The following WDR70 variants were observed in gnomAD, a reference collection of about 807,000 sequenced individuals.
The protein encoded by WDR70 is WD repeat-containing protein 70.
A neutral mutation model predicts 88.6 loss-of-function variants in WDR70; 53 were observed. The ratio of observed to expected loss-of-function variants is 0.60; its 90% CI spans 0.48 to 0.75. The LOEUF is 0.75. Among genes scored for constraint, WDR70 ranks in the 30% least tolerant of loss-of-function variants. The probability of loss-of-function intolerance (pLI) is 0.00; values close to 1 mark genes in which losing one functional copy is unlikely to be tolerated. For missense variants in WDR70, 610 were observed against 823.2 expected, an observed-to-expected ratio of 0.74 and a Z score of 3.17; for synonymous variants, 280 against 270.0, an observed-to-expected ratio of 1.04 and a Z score of -0.36.
chr5:37,601,515 CA>C (rs1259845055), intron 9 of WDR70, among the ~76,000 whole-genome samples: 1 of 152,158 alleles, frequency 6.6e-6, no homozygotes, highest in East Asian at 1.9e-4. Context: ...GGCTTGGTAT[CA>C]GGGCAATGCT....
chr5:37,449,613 AAAAATAAAT>A lies in WDR70; in HGVS notation c.686+6245_686+6253del, dbSNP rs1738606836. On this transcript the variant is annotated intron_variant, in intron 7 of 17. Transcript: ENST00000265107. ...CTCAAAAAAAAAAAAATAAAAAATA[AAAAATAAAT>A]AAATAAATAAATAAAATCAAATGCT... 3.5e-3 allele frequency among the ~76,000 whole-genome samples: 320 copies of A among 90,416 alleles called. 1 individual carries two copies. The highest frequency in any genetic ancestry group is 5.6e-3 in the Non-Finnish European group (221 of 39,732). The allele number at this position is 90,416 out of a possible 152,430, so 59.3% of individuals were successfully genotyped here.
chr5:37,474,188 C>A (rs1739410045), intron 7 of WDR70, among the ~76,000 whole-genome samples: 1 of 152,158 alleles, frequency 6.6e-6, no homozygotes, highest in African/African-American at 2.4e-5. Flanking sequence ...GATTAGAGAA[C>A]ATATGCTATA....
intron 10 of WDR70, among the ~76,000 whole-genome samples, chr5:37,674,168 C>A (rs566187699): frequency 1.3e-5 from 2 of 151,982 alleles, no homozygotes; most frequent in East Asian, 3.9e-4. Context: ...GGTATTTCTT[C>A]CTGTAAGTCT....
chr5:37,554,678 G>GCGCACA (rs5867353), intron 9 of WDR70, among the ~76,000 whole-genome samples: 10 of 147,670 alleles, frequency 6.8e-5, no homozygotes, highest in African/African-American at 2.0e-4. Flanking sequence ...GCACCTGCAC[G>GCGCACA]CACACACACA....
At chr5:37,735,526 C>T (rs558914896) in intron 17 of WDR70, among the ~76,000 whole-genome samples, 4 of 152,206 alleles carry the variant, frequency 2.6e-5, no homozygotes, top group South Asian at 2.1e-4. Context: ...ACCTTTCTGC[C>T]GCTGCATTTT....
At chr5:37,449,762 C>CT (rs1738612152) in intron 7 of WDR70, among the ~76,000 whole-genome samples, 1 of 151,632 alleles carries the variant, frequency 6.6e-6, no homozygotes, top group African/African-American at 2.4e-5. Flanking sequence ...ATTATTTTTA[C>CT]TATACTTTTA....
At chr5:37,561,434 A>C (rs1174637025) in intron 9 of WDR70, among the ~76,000 whole-genome samples, 5 of 152,210 alleles carry the variant, frequency 3.3e-5, no homozygotes, top group Admixed American at 3.3e-4. Flanking sequence ...ACTATGCTAA[A>C]ACAGCTGTTT....
chr5:37,633,783 GATAC>G (rs33936657), intron 10 of WDR70, among the ~76,000 whole-genome samples: 86,623 of 151,358 alleles, frequency 0.57, 24,874 homozygotes, highest in African/African-American at 0.61. Flanking sequence ...GGTTAAACAA[GATAC>G]ATACAGTAAG....
chr5:37,661,389 T>C (rs2112576690), intron 10 of WDR70, among the ~76,000 whole-genome samples: 1 of 152,324 alleles, frequency 6.6e-6, no homozygotes, highest in East Asian at 1.9e-4. Flanking sequence ...GTTTTAGCCC[T>C]ATATCGAAAT....
intron 7 of WDR70, among the ~76,000 whole-genome samples, chr5:37,447,422 C>A (rs1738531338): frequency 6.6e-6 from 1 of 152,152 alleles, no homozygotes. Flanking sequence ...TTTGACCCAG[C>A]CATCACATTA....
intron 10 of WDR70, among the ~76,000 whole-genome samples, chr5:37,684,027 T>G (rs372943347): frequency 2.6e-5 from 4 of 152,150 alleles, no homozygotes; most frequent in African/African-American, 7.2e-5. Context: ...TTCTCAGTGG[T>G]TTTAGATGCT....
At chr5:37,443,546 T>A (rs58999463) in intron 7 of WDR70, among the ~76,000 whole-genome samples, 174 bp downstream of exon 7, 1 of 152,050 alleles carries the variant, frequency 6.6e-6, no homozygotes, top group Non-Finnish European at 1.5e-5. Context: ...CTTACATTTC[T>A]TTTGTTTCAT....
chr5:37,660,307 A>G (rs1745666517), intron 10 of WDR70, among the ~76,000 whole-genome samples: 1 of 152,294 alleles, frequency 6.6e-6, no homozygotes, highest in Non-Finnish European at 1.5e-5. Context: ...TATTCTATAA[A>G]TATCAATTAG....
intron 10 of WDR70, among the ~76,000 whole-genome samples, chr5:37,647,539 C>A (rs1394622531): frequency 6.6e-6 from 1 of 152,124 alleles, no homozygotes; most frequent in South Asian, 2.1e-4. Flanking sequence ...TTTGAAGGAA[C>A]TTGGGTATTG....
intron 9 of WDR70, among the ~76,000 whole-genome samples, chr5:37,593,957 A>C (rs1743618443): frequency 6.6e-6 from 1 of 152,202 alleles, no homozygotes; most frequent in African/African-American, 2.4e-5. Context: ...TCTTTTGAGA[A>C]GTGTCTGTGT....
At chr5:37,679,950 C>T (rs1746375334) in intron 10 of WDR70, among the ~76,000 whole-genome samples, 2 of 152,232 alleles carry the variant, frequency 1.3e-5, no homozygotes, top group African/African-American at 4.8e-5. Context: ...GGGCGCCCCT[C>T]CCCCAGCCTC....
At chr5:37,677,485 G>A (rs965770431) in intron 10 of WDR70, among the ~76,000 whole-genome samples, 2 of 152,156 alleles carry the variant, frequency 1.3e-5, no homozygotes, top group East Asian at 1.9e-4. Context: ...CCTTCGTTTC[G>A]TTATGTACCC....
Position 37,386,592 on chromosome 5 carries a change from T to G in WDR70, c.175+4907T>G, listed in dbSNP as rs541567472. 5.5e-3 allele frequency among the ~76,000 whole-genome samples: 839 copies of G among 152,300 alleles called. 3 individuals are homozygous for G. The highest frequency in any genetic ancestry group is 0.017 in the African/African-American group (687 of 41,570). ...ATCCGCCTGCCTCAACCTCCCAAAG[T>G]GAAGCTTTTTATTTTTAATTTTTTT... On this transcript the variant is annotated intron_variant, in intron 3 of 17. Transcript: ENST00000265107.
In WDR70 at chr5:37,418,142, T is replaced by G. The variant is rs541041728; in HGVS notation, c.493-19780T>G. On this transcript the variant is annotated intron_variant, in intron 5 of 17. Transcript: ENST00000265107. ...TTTCTATAAAATAATACTTGATTCA[T>G]TCTTTGTGGATTCTAACATTTACTA... is the stretch of plus-strand genomic sequence containing the variant. Among the ~76,000 whole-genome samples, 9 of 152,354 alleles carry G rather than the reference T, an allele frequency of 5.9e-5. 1 individual carries two copies. The South Asian group carries it at 1.9e-3, about 32-fold the overall frequency.
Sources: gnomAD v4.1 joint callset for allele counts (sites outside exome capture counted in the v4.1 genomes callset) on GRCh38, gnomAD v4.1.1 for gene constraint, MANE v1.5 for transcripts, NCBI Gene and HGNC (gene_info 2026-07-23, HGNC 2026-07-21) for gene names.